TRIO: variants seen among roughly 807,000 people sequenced by gnomAD.
The protein encoded by TRIO is triple functional domain protein.
TRIO carries 58 observed loss-of-function variants against 351.9 expected under a neutral mutation model. The ratio of observed to expected loss-of-function variants is 0.16; its 90% confidence interval spans 0.13 to 0.21. The LOEUF (loss-of-function observed/expected upper bound fraction) is 0.21. TRIO is among the 10% of genes least tolerant of loss of function. The pLI is 1.00. For missense variants in TRIO, 3,201 were observed against 4,027.8 expected (o/e 0.79, Z 5.56); for synonymous variants, 1,758 against 1,595.7 (o/e 1.10, Z -2.42).
intron 56 of TRIO, 53 bp downstream of exon 56, chr5:14,507,313 A>T: frequency 6.3e-7 from 1 of 1,598,616 alleles, no homozygotes; most frequent in South Asian, 1.1e-5. Flanking sequence ...CGGCTTGGCC[A>T]TGCGGGACAC....
At chr5:14,485,652 G>A (rs940616538) in intron 47 of TRIO, among the ~76,000 whole-genome samples, 5 of 152,068 alleles carry the variant, frequency 3.3e-5, no homozygotes, top group Non-Finnish European at 7.4e-5. Context: ...AGACATTCAC[G>A]AGGGCCTTGC....
chr5:14,317,188 A>G (rs1469790721), intron 9 of TRIO, among the ~76,000 whole-genome samples: 5 of 152,196 alleles, frequency 3.3e-5, no homozygotes, highest in Non-Finnish European at 7.3e-5. Flanking sequence ...TGTCTTGTTG[A>G]TGAAAAGTAC....
chr5:14,421,484 A>AT (rs2152390943), intron 34 of TRIO, among the ~76,000 whole-genome samples: 1 of 151,556 alleles, frequency 6.6e-6, no homozygotes, highest in Non-Finnish European at 1.5e-5. Context: ...GACGCCTGTA[A>AT]TCCCAGCTAC....
intron 18 of TRIO, among the ~76,000 whole-genome samples, chr5:14,371,759 G>A (rs542425651): frequency 4.8e-4 from 72 of 150,982 alleles, no homozygotes; most frequent in African/African-American, 1.7e-3. Context: ...TCCCACCTCC[G>A]CCCCCCTAGG....
chr5:14,338,487 G>A (rs1457129786), intron 11 of TRIO, among the ~76,000 whole-genome samples: 2 of 152,174 alleles, frequency 1.3e-5, no homozygotes, highest in Non-Finnish European at 2.9e-5. Flanking sequence ...ACCTGTTAAC[G>A]GCAGTTGTCA....
intron 20 of TRIO, among the ~76,000 whole-genome samples, chr5:14,380,705 A>G (rs1436845317): frequency 6.6e-6 from 1 of 152,168 alleles, no homozygotes; most frequent in African/African-American, 2.4e-5. Flanking sequence ...TTGACCTAGC[A>G]ATCCCATTAT....
At chr5:14,332,503 A>G (rs1740993628) in intron 10 of TRIO, among the ~76,000 whole-genome samples, 1 of 152,214 alleles carries the variant, frequency 6.6e-6, no homozygotes, top group African/African-American at 2.4e-5. Context: ...GAGCATGCAT[A>G]TGTACAAAAT....
chr5:14,377,987 T>C, intron 19 of TRIO, 25 bp from the exon 20 acceptor site: 1 of 1,566,164 alleles, frequency 6.4e-7, no homozygotes. Context: ...AGCACCAACA[T>C]ACATCATTTT....
Position 14,487,787 on chromosome 5 carries a change from C to T in TRIO, c.7159C>T (p.Pro2387Ser). ...CCCTGGCGCGGCCCCCGAGGCCGGC[C>T]CCAGCGCGCCCAGCAGGCGGCCCCC... is the stretch of plus-strand genomic sequence containing the variant. ...PPPGAAPEAGPSAPSRRPPGA... is the reference protein window; with the variant it reads ...PPPGAAPEAGSSAPSRRPPGA... The change falls in exon 48 of 57, where the codon CCC becomes TCC. Residue 2387 changes from proline to serine, a missense_variant. Pro to Ser is a moderately conservative substitution (Grantham distance 74, BLOSUM62 -1). Around this residue, in one of 19 missense-constraint regions of TRIO, gnomAD observed 1,089 missense variants for 954.9 expected, o/e 1.14. Coordinates refer to ENST00000344204, the MANE Select transcript of TRIO (RefSeq NM_007118.4). 1 of 1,379,444 alleles carries T rather than the reference C, an allele frequency of 7.2e-7. No individual in the cohort carries two copies. Among genetic ancestry groups the T allele is most frequent in the South Asian group, 1.6e-5 (1 of 61,626 alleles). 85.5% of individuals were successfully genotyped at this position (1,379,444 alleles called of 1,614,324 possible). A position where few individuals can be genotyped will look rare whatever the true frequency, so the allele number is the denominator to read the frequency against.
intron 1 of TRIO, among the ~76,000 whole-genome samples, chr5:14,248,367 T>C (rs1794555698): frequency 6.6e-6 from 1 of 152,248 alleles, no homozygotes; most frequent in African/African-American, 2.4e-5. Context: ...GCGAAGTGTG[T>C]TGAATGCATT....
rs1756548321 is a variant in TRIO, at chr5:14,492,320, T to C, written c.7633-247T>C. ...ACGAGCTTCCAAAACCAAAGAGTCA[T>C]TATTGCAGTGAATTTTTTAAGAGCG... On this transcript the variant is annotated intron_variant, in intron 48 of 56. Transcript: ENST00000344204. The C allele has an allele frequency of 1.3e-5, 7 of 535,326 alleles. No individual in the cohort carries two copies. The Admixed American group carries it at 1.4e-4, about 10-fold the overall frequency. The allele number at this position is 535,326 out of a possible 1,614,324, so 33.2% of individuals were successfully genotyped here. A position where few individuals can be genotyped will look rare whatever the true frequency, so the allele number is the denominator to read the frequency against.
At chr5:14,186,941 G>T (rs1790157364) in intron 1 of TRIO, among the ~76,000 whole-genome samples, 1 of 152,206 alleles carries the variant, frequency 6.6e-6, no homozygotes, top group Admixed American at 6.5e-5. Context: ...TCATGCTAGT[G>T]TGAACCAATA....
At chr5:14,184,012 A>G in intron 1 of TRIO, 1 of 696,160 alleles carries the variant, frequency 1.4e-6, no homozygotes, top group Middle Eastern at 2.3e-4. Flanking sequence ...TGGCTCTCTG[A>G]TGTGTGGCTC....
At chr5:14,271,384 T>C (rs1466519104) in intron 2 of TRIO, among the ~76,000 whole-genome samples, 1 of 152,284 alleles carries the variant, frequency 6.6e-6, no homozygotes, top group South Asian at 2.1e-4. Flanking sequence ...CTAGGACCCA[T>C]GTCATGGACG....
In TRIO at chr5:14,230,340, T is replaced by TTGTGTGTGTGTGTGTGTGTGTG. The variant is rs59717445; in HGVS notation, c.158-40471_158-40450dup. Among the ~76,000 whole-genome samples the TTGTGTGTGTGTGTGTGTGTGTG allele has an allele frequency of 9.9e-4, 147 of 149,112 alleles. 1 individual carries two copies. The highest frequency in any genetic ancestry group is 3.6e-3 in the African/African-American group (143 of 39,882). ...GAAATTGGAAAGTCAGGCAAGATGT[T>TTGTGTGTGTGTGTGTGTGTGTG]TGTGTGTGTGTGTGTGTGTGTGTGT... On this transcript the variant is annotated intron_variant, in intron 1 of 56. Coordinates refer to ENST00000344204, the MANE Select transcript of TRIO (RefSeq NM_007118.4).
At chr5:14,416,922 C>T (rs1019430475) in intron 33 of TRIO, among the ~76,000 whole-genome samples, 9 of 152,322 alleles carry the variant, frequency 5.9e-5, no homozygotes, top group Middle Eastern at 6.8e-3. Context: ...GAGCTTCTCA[C>T]GTGCGCTCAG....
chr5:14,337,792 C>T (rs893496630), intron 11 of TRIO, among the ~76,000 whole-genome samples: 11 of 152,238 alleles, frequency 7.2e-5, no homozygotes, highest in African/African-American at 2.4e-4. Context: ...CTCTGAAACC[C>T]TGTGAGGCTG....
In TRIO at chr5:14,461,289, C is replaced by T. The variant is rs1464849957; in HGVS notation, c.5474C>T (p.Pro1825Leu). 3.8e-6 allele frequency: 6 copies of T among 1,590,382 alleles called. No individual in the cohort carries two copies. The highest frequency in any genetic ancestry group is 1.7e-5 in the Admixed American group (1 of 58,680). ...QKDSDDSAAT[P>L]QDETVEERGR... ...GACTCCGACGACAGTGCGGCCACCCCGCAGGACGAGACGGTCGAGGAGGTG... is the reference window on the plus strand; with the variant it reads ...GACTCCGACGACAGTGCGGCCACCCTGCAGGACGAGACGGTCGAGGAGGTG... The change falls in exon 35 of 57, where the codon CCG becomes CTG. Residue 1825 changes from proline to leucine, a missense_variant. By Grantham distance (98) the Pro-to-Leu change is moderately conservative (BLOSUM62 -3). Around this residue, in one of 19 missense-constraint regions of TRIO, gnomAD observed 193 missense variants for 218.8 expected, o/e 0.88. Transcript: ENST00000344204.
intron 48 of TRIO, chr5:14,488,571 C>T: frequency 2.0e-6 from 1 of 512,320 alleles, no homozygotes; most frequent in Admixed American, 3.5e-5. Flanking sequence ...CTCTGCCTTC[C>T]TCACGCACCT....
Sources: gnomAD v4.1 joint callset for allele counts (sites outside exome capture counted in the v4.1 genomes callset) on GRCh38, gnomAD v4.1.1 for gene constraint, gnomAD v4.1.1 regional missense constraint, MANE v1.5 for transcripts, NCBI Gene and HGNC (gene_info 2026-07-23, HGNC 2026-07-21) for gene names.